PLPPR2: variants seen among roughly 807,000 people sequenced by gnomAD.
PLPPR2 encodes the protein phospholipid phosphatase-related protein type 2.
In PLPPR2, 11 loss-of-function variants were observed where a neutral mutation model predicts 40.3. The ratio of observed to expected loss-of-function variants is 0.27; its 90% CI spans 0.17 to 0.45. PLPPR2 has a LOEUF of 0.45. Among genes scored for constraint, PLPPR2 ranks in the 20% least tolerant of loss-of-function variants. The pLI, the probability that PLPPR2 is intolerant of heterozygous loss-of-function variation, is 1.00. For missense variants in PLPPR2, 497 were observed against 640.7 expected (o/e 0.78, Z 2.42); for synonymous variants, 260 against 290.8 (o/e 0.89, Z 1.08).
rs766266071 is a variant in PLPPR2 at position 11,364,298 on chromosome 19, C to T, written c.1016-49C>T. The T allele has an allele frequency of 2.6e-6, 4 of 1,531,138 alleles. No individual in the cohort carries two copies. The highest frequency in any genetic ancestry group is 1.8e-4 in the Middle Eastern group (1 of 5,680). 94.8% of individuals were successfully genotyped at this position (1,531,138 alleles called of 1,614,324 possible). On this transcript the variant is annotated intron_variant, in intron 9 of 9. Transcript: ENST00000688289. This position sits in a 1 kb window ranked among gnomAD's most constrained non-coding sequence, Gnocchi z 5.8. ...CAGAGGTCTCACCTAGGCCTTTATGCTGCCTCCCGAGTTTTCTGATCCCCT... is the reference window on the plus strand; with the variant it reads ...CAGAGGTCTCACCTAGGCCTTTATGTTGCCTCCCGAGTTTTCTGATCCCCT...
chr19:11,363,617 G>A lies in PLPPR2; in HGVS notation c.841-96G>A, dbSNP rs541095615. The A allele has an allele frequency of 7.1e-7, 1 of 1,406,894 alleles. No homozygotes were observed. Among genetic ancestry groups the A allele is most frequent in the East Asian group, 2.5e-5 (1 of 40,338 alleles). 87.2% of individuals were successfully genotyped at this position (1,406,894 alleles called of 1,614,324 possible). ...GCATTAGCTGTTTTTGAAAACCGGA[G>A]CCTCACTTTCCTTATCTGAAAAATG... On this transcript the variant is annotated intron_variant, in intron 7 of 9. Transcript: ENST00000688289. This position sits in a 1 kb window ranked among gnomAD's most constrained non-coding sequence, Gnocchi z 4.8.
In PLPPR2 at chr19:11,361,402, G is replaced by T. The variant is rs1465092656; in HGVS notation, c.577G>T (p.Gly193Cys). 1 of 1,609,662 alleles carries T rather than the reference G, an allele frequency of 6.2e-7. No homozygotes were observed. The stretch of plus-strand genomic sequence containing the variant: ...TGTCACTGACCAGGGTGCCTGCGCT[G>T]GCAGTCCCAGCCTCGTGGCCGCCGC... ...RFVTDQGACAGSPSLVAAARR... is the reference protein window; with the variant it reads ...RFVTDQGACACSPSLVAAARR... Residue 193 changes from glycine (G) to cysteine (C), a missense_variant, in exon 6 of 10, where the codon GGC becomes TGC. Physicochemically the swap from Gly to Cys is radical, Grantham distance 159. Coordinates refer to ENST00000688289, the MANE Select transcript of PLPPR2 (RefSeq NM_001393892.1). This position sits in a 1 kb window ranked among gnomAD's most constrained non-coding sequence, Gnocchi z 6.3.
In PLPPR2 at chr19:11,361,461, C is replaced by T. The variant is rs766623545; in HGVS notation, c.636C>T (p.Leu212=). 1.2e-6 allele frequency: 2 copies of T among 1,602,374 alleles called. No homozygotes were observed. The highest frequency in any genetic ancestry group is 2.2e-5 in the South Asian group (2 of 90,896). ...CCTTCCCCTGCAAGGATGCGGCCCTCTGCGCCTACGCGGTCACCTACACAG... is the reference window on the plus strand; with the variant it reads ...CCTTCCCCTGCAAGGATGCGGCCCTTTGCGCCTACGCGGTCACCTACACAG... The part of the protein sequence containing the change: ...RRAFPCKDAA[L]CAYAVTYTAM... The change falls in exon 6 of 10, where the codon CTC becomes CTT. Residue 212 remains leucine (L), a synonymous_variant. Coordinates refer to ENST00000688289, the MANE Select transcript of PLPPR2 (RefSeq NM_001393892.1). The surrounding 1 kb of genome is among the most constrained non-coding windows in gnomAD (Gnocchi z 6.3).
intron 5 of PLPPR2, 127 bp downstream of exon 5, chr19:11,360,083 A>C: frequency 1.1e-5 from 15 of 1,307,006 alleles, no homozygotes; most frequent in Non-Finnish European, 1.4e-5. Context: ...CTGTAATCTC[A>C]GCACTGTGGG....
rs1314962306 is a variant in PLPPR2 at position 11,358,718 on chromosome 19, CTCTT to C, written c.67-804_67-801del. 5.9e-4 allele frequency among the ~76,000 whole-genome samples: 87 copies of C among 148,412 alleles called. 1 individual carries two copies. The highest frequency in any genetic ancestry group is 1.9e-3 in the African/African-American group (75 of 40,208). On this transcript the variant is annotated intron_variant, in intron 3 of 9. Coordinates refer to ENST00000688289, the MANE Select transcript of PLPPR2 (RefSeq NM_001393892.1). ...TCTTTCTTTCCCTCCCTCCCTCTCT[CTCTT>C]TCTTTCTTTTGTGATGGAGTCTTGC...
At position 11,362,822 on chromosome 19, in the gene PLPPR2, T is replaced by C. The variant is rs146027384; in HGVS notation, c.840+133T>C. On this transcript the variant is annotated intron_variant, in intron 7 of 9. Coordinates refer to ENST00000688289, the MANE Select transcript of PLPPR2 (RefSeq NM_001393892.1). The surrounding 1 kb of genome is among the most constrained non-coding windows in gnomAD (Gnocchi z 5.3). ...GCCAATCCCTTAACATTACCCTTCC[T>C]GGATATTCTCATCTGTGAAATGAGA... 2.4e-5 allele frequency: 24 copies of C among 1,010,346 alleles called. No homozygotes were observed. The East Asian group carries it at 6.3e-4, about 27-fold the overall frequency. 62.6% of individuals were successfully genotyped at this position (1,010,346 alleles called of 1,614,324 possible). A position where few individuals can be genotyped will look rare whatever the true frequency, so the allele number is the denominator to read the frequency against.
Position 11,357,185 on chromosome 19 carries a change from CAG to C in PLPPR2, c.-15+216_-15+217del, listed in dbSNP as rs144163110. On this transcript the variant is annotated intron_variant, in intron 2 of 9. Transcript: ENST00000688289. ...ACACCAACACCACAGCCCATGGGGA[CAG>C]AGAGAGGGGCCCCTGCAGAGGCCAT... Among the ~76,000 whole-genome samples, 1,247 of 152,088 alleles carry C rather than the reference CAG, an allele frequency of 8.2e-3. 19 individuals are homozygous for C. Among genetic ancestry groups the C allele is most frequent in the African/African-American group, 0.029 (1,190 of 41,456 alleles).
chr19:11,364,223 G>C lies in PLPPR2; in HGVS notation c.1015+11G>C. ...GGCTCACCCCATCCAGTGAGTGTTGGGGGAGTGGGGGGCTAAACAGGGGGA... is the reference window on the plus strand; with the variant it reads ...GGCTCACCCCATCCAGTGAGTGTTGCGGGAGTGGGGGGCTAAACAGGGGGA... On this transcript the variant is annotated intron_variant, in intron 9 of 9. Transcript: ENST00000688289. This position sits in a 1 kb window ranked among gnomAD's most constrained non-coding sequence, Gnocchi z 5.8. The C allele has an allele frequency of 6.2e-7, 1 of 1,608,456 alleles. No individual in the cohort carries two copies. The highest frequency in any genetic ancestry group is 8.5e-7 in the Non-Finnish European group (1 of 1,176,340).
In PLPPR2 at chr19:11,359,797, A is replaced by T; in HGVS notation, c.256-24A>T. 1 of 1,596,540 alleles carries T rather than the reference A, an allele frequency of 6.3e-7. No homozygotes were observed. Among genetic ancestry groups the T allele is most frequent in the Non-Finnish European group, 8.6e-7 (1 of 1,167,774 alleles). ...AGGGGATGGGCTGGAAGGCCAGAAG[A>T]CTCCATCTTGGTCTTGCCCACAGAT... On this transcript the variant is annotated intron_variant, in intron 4 of 9. Transcript: ENST00000688289. The surrounding 1 kb of genome is among the most constrained non-coding windows in gnomAD (Gnocchi z 5.6).
chr19:11,363,110 A>G lies in PLPPR2; in HGVS notation c.840+421A>G, dbSNP rs1968095666. ...AGAGTTCGAGACCAGCCTGGTCAAC[A>G]TGGCCAAACCCTGTCCCTGCTAAAA... On this transcript the variant is annotated intron_variant, in intron 7 of 9. Coordinates refer to ENST00000688289, the MANE Select transcript of PLPPR2 (RefSeq NM_001393892.1). This position sits in a 1 kb window ranked among gnomAD's most constrained non-coding sequence, Gnocchi z 4.8. Among the ~76,000 whole-genome samples, 1 of 152,144 alleles carries G rather than the reference A, an allele frequency of 6.6e-6. No individual in the cohort carries two copies. The highest frequency in any genetic ancestry group is 2.4e-5 in the African/African-American group (1 of 41,428).
Position 11,359,319 on chromosome 19 carries a change from C to T in PLPPR2, c.67-213C>T, listed in dbSNP as rs1016250287. Among the ~76,000 whole-genome samples the T allele has an allele frequency of 1.4e-4, 21 of 152,110 alleles. No homozygotes were observed. Among genetic ancestry groups the T allele is most frequent in the Non-Finnish European group, 2.6e-4 (18 of 68,024 alleles). ...GCCCCTCTGTTTCTGTCTCCTTCTC[C>T]TTCTGTTTCTCCTAAGCCCTGACCC... On this transcript the variant is annotated intron_variant, in intron 3 of 9. Transcript: ENST00000688289. This position sits in a 1 kb window ranked among gnomAD's most constrained non-coding sequence, Gnocchi z 5.6.
chr19:11,357,047 G>C (rs1967906343), intron 2 of PLPPR2, 71 bp downstream of exon 2: 1 of 153,394 alleles, frequency 6.5e-6, no homozygotes, highest in Non-Finnish European at 1.5e-5. Flanking sequence ...TGGGGACTGG[G>C]GGTAGCCTTG....
In PLPPR2 at chr19:11,359,074, T is replaced by C. The variant is rs1967973278; in HGVS notation, c.67-458T>C. Among the ~76,000 whole-genome samples, 1 of 151,596 alleles carries C rather than the reference T, an allele frequency of 6.6e-6. No homozygotes were observed. Among genetic ancestry groups the C allele is most frequent in the African/African-American group, 2.4e-5 (1 of 41,206 alleles). ...CCTTTCTTTTTTTTCTGAGACAGGGTCTCCCTCTGTCACCCAGGCTGGAGT... is the reference window on the plus strand; with the variant it reads ...CCTTTCTTTTTTTTCTGAGACAGGGCCTCCCTCTGTCACCCAGGCTGGAGT... On this transcript the variant is annotated intron_variant, in intron 3 of 9. Coordinates refer to ENST00000688289, the MANE Select transcript of PLPPR2 (RefSeq NM_001393892.1). The surrounding 1 kb of genome is among the most constrained non-coding windows in gnomAD (Gnocchi z 5.6).
intron 3 of PLPPR2, 51 bp downstream of exon 3, chr19:11,357,790 G>A (rs762602899): frequency 1.4e-6 from 2 of 1,476,268 alleles, no homozygotes; most frequent in East Asian, 2.4e-5. Context: ...CTCTGTCTCT[G>A]TCCAACCTCA....
rs1245043021 is a variant in PLPPR2, at chr19:11,364,566, G to A, written c.1235G>A (p.Arg412Gln). ...CCAGGCGGGGGTGGTGGACGTGGCC[G>A]GAAGCTGCTGCTGCCCACGCCCCTG... is the stretch of plus-strand genomic sequence containing the variant. ...GGPGGGGGRG[R>Q]KLLLPTPLLR... The change falls in exon 10 of 10, where the codon CGG (arginine) becomes CAG (glutamine). Residue 412 changes from arginine (R) to glutamine (Q), a missense_variant. By Grantham distance (43) the Arg-to-Gln change is conservative. Coordinates refer to ENST00000688289, the MANE Select transcript of PLPPR2 (RefSeq NM_001393892.1). The surrounding 1 kb of genome is among the most constrained non-coding windows in gnomAD (Gnocchi z 5.8). 4.6e-6 allele frequency: 7 copies of A among 1,536,966 alleles called. No homozygotes were observed. Among genetic ancestry groups the A allele is most frequent in the East Asian group, 2.4e-5 (1 of 40,900 alleles).
At chr19:11,355,688 G>C (rs1353766573) in intron 1 of PLPPR2, 116 bp downstream of exon 1, 1 of 152,284 alleles carries the variant, frequency 6.6e-6, no homozygotes, top group Non-Finnish European at 1.5e-5. Context: ...GGAGGGGCGG[G>C]GGAGGGGAGG....
intron 5 of PLPPR2, among the ~76,000 whole-genome samples, chr19:11,360,931 T>C (rs1476156223): frequency 6.6e-6 from 1 of 151,908 alleles, no homozygotes; most frequent in Non-Finnish European, 1.5e-5. Context: ...GTAATGGTGT[T>C]GGGGCGGGGG....
rs1056183142 is a variant in PLPPR2, at chr19:11,361,974, A to G, written c.663+486A>G. Among the ~76,000 whole-genome samples, 9 of 151,976 alleles carry G rather than the reference A, an allele frequency of 5.9e-5. No individual in the cohort carries two copies. The highest frequency in any genetic ancestry group is 2.2e-4 in the African/African-American group (9 of 41,328). On this transcript the variant is annotated intron_variant, in intron 6 of 9. Coordinates refer to ENST00000688289, the MANE Select transcript of PLPPR2 (RefSeq NM_001393892.1). The surrounding 1 kb of genome is among the most constrained non-coding windows in gnomAD (Gnocchi z 6.3). ...AGCCCTGGCCACGCCCCTTGCTCTT[A>G]ACTGCTCTGGGATTTCTAACTCTGT...
chr19:11,364,357 C>T lies in PLPPR2; in HGVS notation c.1026C>T (p.Asn342=), dbSNP rs945217316. 1 of 1,515,054 alleles carries T rather than the reference C, an allele frequency of 6.6e-7. No individual in the cohort carries two copies. 93.9% of individuals were successfully genotyped at this position (1,515,054 alleles called of 1,614,324 possible). Residue 342 remains asparagine (N), a synonymous_variant, in exon 10 of 10, where the codon AAC becomes AAT. Transcript: ENST00000688289. The surrounding 1 kb of genome is among the most constrained non-coding windows in gnomAD (Gnocchi z 5.8). Reference sequence around the variant, plus strand: ...GCTTCTGACCACCAGAGTCGCAGAACTGCGCCCGCCGTGGCCACCTGATCC... The same window carrying T: ...GCTTCTGACCACCAGAGTCGCAGAATTGCGCCCGCCGTGGCCACCTGATCC... ...PARLTPSKSQ[N]CARRGHLIPS...
Sources: gnomAD v4.1 joint callset for allele counts (sites outside exome capture counted in the v4.1 genomes callset) on GRCh38, gnomAD v4.1.1 for gene constraint, Gnocchi (gnomAD v3.1) non-coding constraint, MANE v1.5 for transcripts, NCBI Gene and HGNC (gene_info 2026-07-23, HGNC 2026-07-21) for gene names.